The following YTHDC1 variants were observed in gnomAD, a reference collection of about 807,000 sequenced individuals.
The protein encoded by YTHDC1 is YTH N6-methyladenosine RNA binding protein C1, also known as YTH domain-containing protein 1.
Under a neutral mutation model 107.0 loss-of-function variants are expected in YTHDC1, and 12 were observed. That is an observed-to-expected ratio of 0.11 (90% CI 0.07 to 0.18). The LOEUF is 0.18. YTHDC1 is among the 10% of genes least tolerant of loss of function. The pLI, the probability that YTHDC1 is intolerant of heterozygous loss-of-function variation, is 1.00. For missense variants in YTHDC1, 635 were observed against 898.8 expected (o/e 0.71, Z 3.75); for synonymous variants, 280 against 289.5 (o/e 0.97, Z 0.33).
Position 68,338,305 on chromosome 4 carries a change from T to C in YTHDC1, c.108A>G (p.Glu36=). 6.2e-7 allele frequency: 1 copy of C among 1,608,546 alleles called. No homozygotes were observed. The highest frequency in any genetic ancestry group is 8.5e-7 in the Non-Finnish European group (1 of 1,177,610). ...TACCCTTTTTCTCATTTTTATCTTG[T>C]TCACTCTCTGGATTATACAGTTCAT... is the stretch of plus-strand genomic sequence containing the variant. ...QDDELYNPES[E]QDKNEKKGSK... Residue 36 remains glutamate (E), a synonymous_variant, in exon 2 of 17, where the codon GAA becomes GAG. Transcript: ENST00000344157.
At chr4:68,349,703 C>T in intron 1 of YTHDC1, 23 bp downstream of exon 1, 3 of 1,609,096 alleles carry the variant, frequency 1.9e-6, no homozygotes, top group Non-Finnish European at 2.5e-6. Flanking sequence ...TCGCCTCGGC[C>T]CGTCATCTTT....
chr4:68,336,928 A>C, intron 4 of YTHDC1, 99 bp downstream of exon 4: 17 of 1,385,960 alleles, frequency 1.2e-5, no homozygotes, highest in Non-Finnish European at 1.5e-5. Flanking sequence ...TCCTATTAAT[A>C]TCCCCCATCT....
chr4:68,328,220 C>T (rs141722273), intron 9 of YTHDC1, among the ~76,000 whole-genome samples: 3 of 152,228 alleles, frequency 2.0e-5, no homozygotes, highest in Admixed American at 2.0e-4. Context: ...CTGCAACCCA[C>T]ATAAAAATGG....
intron 6 of YTHDC1, among the ~76,000 whole-genome samples, chr4:68,332,441 T>G (rs1243125044): frequency 4.6e-5 from 7 of 152,114 alleles, no homozygotes; most frequent in Admixed American, 3.9e-4. Context: ...CATATTTAAG[T>G]ATGAAAATGG....
At chr4:68,319,384 CCT>C (rs1257028038) in intron 12 of YTHDC1, among the ~76,000 whole-genome samples, 1 of 152,112 alleles carries the variant, frequency 6.6e-6, no homozygotes, top group Non-Finnish European at 1.5e-5. Context: ...TATTCTTTCC[CCT>C]GCTTCTTTTA....
In YTHDC1 at chr4:68,316,305, T is replaced by G. The variant is rs766923021; in HGVS notation, c.1959+9A>C. ...GTTCCCTCACACCTTTGCCTCCTTG[T>G]GCACTTACTACTCGTTTATCTCTGT... is the stretch of plus-strand genomic sequence containing the variant. On this transcript the variant is annotated intron_variant, in intron 16 of 16. Transcript: ENST00000344157. 6.2e-7 allele frequency: 1 copy of G among 1,610,124 alleles called. No individual in the cohort carries two copies. The highest frequency in any genetic ancestry group is 8.5e-7 in the Non-Finnish European group (1 of 1,177,996).
In YTHDC1 at chr4:68,338,347, T is replaced by C. The variant is rs1209141921; in HGVS notation, c.66A>G (p.Glu22=). 64 of 1,606,094 alleles carry C rather than the reference T, an allele frequency of 4.0e-5. No individual in the cohort carries two copies. The highest frequency in any genetic ancestry group is 5.4e-5 in the Non-Finnish European group (64 of 1,177,260). ...ACAGTTCATCATCTTGTTCTGGTAC[T>C]TCAGTTAAAATATCATCCAGAACAT... is the stretch of plus-strand genomic sequence containing the variant. The part of the protein sequence containing the change: ...ELNVLDDILT[E]VPEQDDELYN... Residue 22 remains glutamate (E), a synonymous_variant, in exon 2 of 17, where the codon GAA becomes GAG. Transcript: ENST00000344157.
intron 1 of YTHDC1, among the ~76,000 whole-genome samples, chr4:68,345,910 T>C (rs1725356614): frequency 6.6e-6 from 1 of 151,948 alleles, no homozygotes; most frequent in Non-Finnish European, 1.5e-5. Context: ...CAATAGACTA[T>C]ACCATACAGC....
intron 1 of YTHDC1, among the ~76,000 whole-genome samples, chr4:68,342,199 A>G (rs1724881963): frequency 6.6e-6 from 1 of 152,192 alleles, no homozygotes; most frequent in African/African-American, 2.4e-5. Context: ...GGGGTCTCCC[A>G]TGTGGCTGCA....
intron 1 of YTHDC1, among the ~76,000 whole-genome samples, chr4:68,342,408 CG>C: frequency 6.6e-6 from 1 of 152,024 alleles, no homozygotes; most frequent in East Asian, 1.9e-4. Flanking sequence ...CCAACAGAGA[CG>C]GGAACAGGTA....
chr4:68,347,675 T>C (rs1394494980), intron 1 of YTHDC1, among the ~76,000 whole-genome samples: 5 of 152,244 alleles, frequency 3.3e-5, no homozygotes, highest in African/African-American at 7.2e-5. Flanking sequence ...AACTTAACGT[T>C]TGTGACATGA....
At chr4:68,319,978 C>T in intron 12 of YTHDC1, 145 bp downstream of exon 12, 1 of 663,716 alleles carries the variant, frequency 1.5e-6, no homozygotes, top group Non-Finnish European at 2.5e-6. Flanking sequence ...CTAATGAGAA[C>T]TACTAAAATT....
intron 4 of YTHDC1, among the ~76,000 whole-genome samples, chr4:68,335,381 T>A (rs574453866): frequency 6.6e-6 from 1 of 152,296 alleles, no homozygotes; most frequent in East Asian, 1.9e-4. Flanking sequence ...CTTTCAGGTA[T>A]CTCTTTTAGA....
Position 68,322,853 on chromosome 4 carries a change from G to A in YTHDC1, c.1497C>T (p.Asp499=), listed in dbSNP as rs757679258. Reference sequence around the variant, plus strand: ...GCATTTTATGAATGACCTGATACAAGTCAATACTTTCATCGGGGGGAAACA... The same window carrying A: ...GCATTTTATGAATGACCTGATACAAATCAATACTTTCATCGGGGGGAAACA... ...CLLFPPDESI[D]LYQVIHKMRH... Residue 499 remains aspartate (D), a synonymous_variant, in exon 11 of 17, where the codon GAC becomes GAT. Transcript: ENST00000344157. The surrounding 1 kb of genome is among the most constrained non-coding windows in gnomAD (Gnocchi z 4.8). 1 of 1,614,074 alleles carries A rather than the reference G, an allele frequency of 6.2e-7. No homozygotes were observed. The highest frequency in any genetic ancestry group is 8.5e-7 in the Non-Finnish European group (1 of 1,179,996).
rs1721231744 is a variant in YTHDC1 at position 68,310,584 on chromosome 4, A to C, written c.*3515T>G. 1.3e-5 allele frequency: 2 copies of C among 152,216 alleles called. No individual in the cohort carries two copies. Among genetic ancestry groups the C allele is most frequent in the Admixed American group, 1.3e-4 (2 of 15,284 alleles). The allele number at this position is 152,216 out of a possible 1,614,324, so 9.4% of individuals were successfully genotyped here. On this transcript the variant is annotated 3_prime_UTR_variant, in exon 17 of 17. Coordinates refer to ENST00000344157, the MANE Select transcript of YTHDC1 (RefSeq NM_001031732.4). ...GATTGCTTATACTCTAAGGATTCCTATTCCTACTATAAGGAACTTGGGGAC... is the reference window on the plus strand; with the variant it reads ...GATTGCTTATACTCTAAGGATTCCTCTTCCTACTATAAGGAACTTGGGGAC...
chr4:68,331,335 T>C lies in YTHDC1; in HGVS notation c.1122+768A>G, dbSNP rs535493792. Among the ~76,000 whole-genome samples, 3 of 152,232 alleles carry C rather than the reference T, an allele frequency of 2.0e-5. No individual in the cohort carries two copies. The East Asian group carries it at 5.8e-4, about 29-fold the overall frequency. ...AATCCACTTAAGCTAGAGAACAGAA[T>C]AAGGCTATTTGGTGTACTGTTTCCT... On this transcript the variant is annotated intron_variant, in intron 7 of 16. Coordinates refer to ENST00000344157, the MANE Select transcript of YTHDC1 (RefSeq NM_001031732.4).
At chr4:68,342,558 TTTTA>T (rs528529164) in intron 1 of YTHDC1, among the ~76,000 whole-genome samples, 87 of 152,334 alleles carry the variant, frequency 5.7e-4, no homozygotes, top group African/African-American at 2.0e-3. Flanking sequence ...ATTACTATAG[TTTTA>T]TTTAAGGGTA....
At chr4:68,323,646 G>C (rs189989610) in intron 10 of YTHDC1, among the ~76,000 whole-genome samples, 9 of 152,156 alleles carry the variant, frequency 5.9e-5, no homozygotes, top group African/African-American at 1.7e-4. Context: ...AAAACTTCTG[G>C]TTCAGAATTA....
intron 4 of YTHDC1, among the ~76,000 whole-genome samples, chr4:68,334,860 T>TA (rs1560493089): frequency 3.3e-5 from 5 of 151,974 alleles, no homozygotes. Flanking sequence ...CCTCTTTATA[T>TA]AAAGACAAAA....
Sources: gnomAD v4.1 joint callset for allele counts (sites outside exome capture counted in the v4.1 genomes callset) on GRCh38, gnomAD v4.1.1 for gene constraint, Gnocchi (gnomAD v3.1) non-coding constraint, MANE v1.5 for transcripts, NCBI Gene and HGNC (gene_info 2026-07-23, HGNC 2026-07-21) for gene names.